ALDH7A1: variants seen among roughly 807,000 people sequenced by gnomAD.
ALDH7A1 encodes the protein aldehyde dehydrogenase 7 family member A1, also known as alpha-aminoadipic semialdehyde dehydrogenase.
In ALDH7A1, 63 loss-of-function variants were observed where a neutral mutation model predicts 79.9. The observed-to-expected ratio is 0.79, with a 90% CI of 0.64 to 0.97. ALDH7A1 has a LOEUF of 0.97. ALDH7A1 is among the 50% of genes least tolerant of loss of function. The pLI is 0.00. For missense variants in ALDH7A1, 627 were observed against 665.2 expected (o/e 0.94, Z 0.63); for synonymous variants, 240 against 231.2 (o/e 1.04, Z -0.34).
At chr5:126,588,863 C>G (rs1206268679) in intron 3 of ALDH7A1, 1 of 152,260 alleles carries the variant, frequency 6.6e-6, no homozygotes, top group African/African-American at 2.4e-5. Flanking sequence ...GGCAACAGAG[C>G]AAAACCTCAT....
At position 126,542,099 on chromosome 5, in the gene ALDH7A1, A is replaced by G. The variant is rs1023281301; in HGVS notation, c.*2866T>C. ...GTTTGGTTTTCTTTTAATTTCCTCC[A>G]AAACAATCATTGGCAGGAAGCTTCT... On this transcript the variant is annotated 3_prime_UTR_variant, in exon 18 of 18. Transcript: ENST00000409134. 2 of 151,772 alleles carry G rather than the reference A, an allele frequency of 1.3e-5. No homozygotes were observed. Among genetic ancestry groups the G allele is most frequent in the African/African-American group, 2.4e-5 (1 of 41,300 alleles). The allele number at this position is 151,772 out of a possible 1,614,324, so 9.4% of individuals were successfully genotyped here. A position where few individuals can be genotyped will look rare whatever the true frequency, so the allele number is the denominator to read the frequency against.
chr5:126,550,123 A>C, intron 15 of ALDH7A1, 73 bp downstream of exon 15: 1 of 1,533,962 alleles, frequency 6.5e-7, no homozygotes, highest in Non-Finnish European at 9.0e-7. Flanking sequence ...ATTTTAGACT[A>C]CAGCAGTTTT....
At position 126,544,994 on chromosome 5, in the gene ALDH7A1, G is replaced by T. The variant is rs1309544202; in HGVS notation, c.1591C>A (p.Pro531Thr). ...TCTINYSKDL[P>T]LAQGIKFQ is the part of the protein sequence containing the mutation. ...TGAAACTTGATTCCTTGGGCCAGAG[G>T]AAGGTCTTTACTGTAGTTGATAGTA... Residue 531 changes from proline to threonine, a missense_variant, in exon 18 of 18, where the codon CCT becomes ACT. By Grantham distance (38) the Pro-to-Thr change is conservative. Transcript: ENST00000409134. 3 of 1,610,530 alleles carry T rather than the reference G, an allele frequency of 1.9e-6. No individual in the cohort carries two copies. In the African/African-American group the frequency reaches 4.0e-5, roughly 22 times the overall value.
In ALDH7A1 at chr5:126,595,108, T is replaced by A. The variant is rs1348591214; in HGVS notation, c.91A>T (p.Thr31Ser). The A allele has an allele frequency of 6.3e-7, 1 of 1,592,030 alleles. No individual in the cohort carries two copies. The highest frequency in any genetic ancestry group is 8.6e-7 in the Non-Finnish European group (1 of 1,168,884). The change falls in exon 1 of 18, where the codon ACT (threonine) becomes TCT (serine). Residue 31 changes from threonine (T) to serine (S), a missense_variant. Physicochemically the swap from Thr to Ser is moderately conservative, Grantham distance 58. Transcript: ENST00000409134. Reference sequence around the variant, plus strand: ...TACTGGGGCTGATTGATGAGGAGAGTGGACATGAAGGCGGCAGGCCTGCTC... The same window carrying A: ...TACTGGGGCTGATTGATGAGGAGAGAGGACATGAAGGCGGCAGGCCTGCTC... ...PWSRPAAFMS[T>S]LLINQPQYAW...
chr5:126,563,075 T>C (rs1373685013), intron 9 of ALDH7A1, among the ~76,000 whole-genome samples: 1 of 152,202 alleles, frequency 6.6e-6, no homozygotes, highest in Non-Finnish European at 1.5e-5. Flanking sequence ...CATGTGAATG[T>C]ACTTGACACT....
chr5:126,583,307 T>C lies in ALDH7A1; in HGVS notation c.394-333A>G, dbSNP rs12653605. On this transcript the variant is annotated intron_variant, in intron 4 of 17. Coordinates refer to ENST00000409134, the MANE Select transcript of ALDH7A1 (RefSeq NM_001182.5). The stretch of plus-strand genomic sequence containing the variant: ...ACCAGCCTGGCCAACATGGTGAAAC[T>C]TTGTCTCTACTAAAAATACAAAAAT... 0.46 allele frequency among the ~76,000 whole-genome samples: 68,400 copies of C among 149,424 alleles called. 19,905 individuals carry two copies. The highest frequency in any genetic ancestry group is 0.83 in the African/African-American group (34,106 of 41,192).
intron 2 of ALDH7A1, among the ~76,000 whole-genome samples, chr5:126,593,107 A>G (rs1401843216): frequency 6.6e-6 from 1 of 152,136 alleles, no homozygotes; most frequent in Non-Finnish European, 1.5e-5. Flanking sequence ...TAATCTTTCT[A>G]CGCTTCACCT....
chr5:126,554,574 T>C (rs753356980), intron 12 of ALDH7A1, 181 bp from the exon 13 acceptor site: 65 of 644,988 alleles, frequency 1.0e-4, no homozygotes, highest in Non-Finnish European at 1.7e-4. Flanking sequence ...TTGGAGGACA[T>C]ACGTGATCTC....
At chr5:126,591,719 C>T (rs969340418) in intron 3 of ALDH7A1, among the ~76,000 whole-genome samples, 5 of 152,062 alleles carry the variant, frequency 3.3e-5, no homozygotes, top group African/African-American at 4.8e-5. Flanking sequence ...TATCCTAGTT[C>T]GCCTTTACTC....
intron 13 of ALDH7A1, 78 bp downstream of exon 13, chr5:126,554,209 T>A (rs1750098022): frequency 6.4e-6 from 8 of 1,250,596 alleles, no homozygotes; most frequent in Non-Finnish European, 9.4e-6. Context: ...GCTTTTCCAA[T>A]ATGCCCAGAG....
chr5:126,549,052 C>A, intron 16 of ALDH7A1, among the ~76,000 whole-genome samples: 1 of 107,938 alleles, frequency 9.3e-6, no homozygotes, highest in South Asian at 3.0e-4. Context: ...CCAGCCTGGG[C>A]AACATAGCAA....
chr5:126,592,907 C>A (rs1751598659), intron 2 of ALDH7A1, among the ~76,000 whole-genome samples, 178 bp from the exon 3 acceptor site: 1 of 152,198 alleles, frequency 6.6e-6, no homozygotes, highest in South Asian at 2.1e-4. Flanking sequence ...CCCGGTAAAA[C>A]AGGTTGGTAT....
At chr5:126,577,006 G>A (rs560054933) in intron 6 of ALDH7A1, 73 bp downstream of exon 6, 1 of 1,591,812 alleles carries the variant, frequency 6.3e-7, no homozygotes, top group Middle Eastern at 2.3e-4. Context: ...TTACTGAAGA[G>A]GCTGAGGTAG....
At chr5:126,549,796 GAT>G (rs371203063) in intron 16 of ALDH7A1, 131 bp downstream of exon 16, 2 of 867,470 alleles carry the variant, frequency 2.3e-6, no homozygotes, top group African/African-American at 1.7e-5. Context: ...AGCTTTTTCA[GAT>G]ATGTTAGATC....
At chr5:126,571,908 G>A (rs889278311) in intron 7 of ALDH7A1, among the ~76,000 whole-genome samples, 1 of 152,204 alleles carries the variant, frequency 6.6e-6, no homozygotes, top group Non-Finnish European at 1.5e-5. Context: ...CTTGAGGCTA[G>A]TTCCCACCAA....
chr5:126,554,082 T>C (rs973135790), intron 13 of ALDH7A1, among the ~76,000 whole-genome samples: 1 of 152,216 alleles, frequency 6.6e-6, no homozygotes, highest in Non-Finnish European at 1.5e-5. Context: ...CACTCCATCC[T>C]GGGCACAGAG....
At chr5:126,545,517 C>T (rs1475086845) in intron 17 of ALDH7A1, among the ~76,000 whole-genome samples, 2 of 148,170 alleles carry the variant, frequency 1.3e-5, no homozygotes, top group Non-Finnish European at 1.5e-5. Context: ...CCTGCCTCAG[C>T]CTCCTGAACT....
chr5:126,590,884 TAAAA>T (rs76901782), intron 3 of ALDH7A1, among the ~76,000 whole-genome samples: 2 of 121,964 alleles, frequency 1.6e-5, no homozygotes, highest in Non-Finnish European at 1.8e-5. Flanking sequence ...GACCCTGTCT[TAAAA>T]AAAAAAAAAA....
At chr5:126,577,034 T>C in intron 6 of ALDH7A1, 45 bp downstream of exon 6, 1 of 1,612,486 alleles carries the variant, frequency 6.2e-7, no homozygotes, top group Non-Finnish European at 8.5e-7. Flanking sequence ...TAGAAATGGC[T>C]ATTTTTATCA....
Sources: allele counts gnomAD v4.1 joint callset (sites outside exome capture counted in the v4.1 genomes callset), GRCh38; gene constraint gnomAD v4.1.1; transcripts MANE v1.5; gene names NCBI Gene and HGNC (gene_info 2026-07-23, HGNC 2026-07-21).